Variants in DAB1 observed in about 807,000 individuals in gnomAD.
The protein encoded by DAB1 is DAB adaptor protein 1.
DAB1 carries 15 observed loss-of-function variants against 64.6 expected under a neutral mutation model. The observed-to-expected ratio is 0.23, with a 90% confidence interval of 0.16 to 0.36. DAB1 has a LOEUF of 0.36. Among genes scored for constraint, DAB1 ranks in the 10% least tolerant of loss-of-function variants. The probability of loss-of-function intolerance (pLI) is 1.00; values close to 1 mark genes in which losing one functional copy is unlikely to be tolerated. For synonymous variants in DAB1, 235 were observed against 251.9 expected, an observed-to-expected ratio of 0.93 and a Z score of 0.64; for missense variants, 596 against 706.7, an observed-to-expected ratio of 0.84 and a Z score of 1.78.
At chr1:58,361,821 G>A (rs1037269487) in intron 3 of DAB1, among the ~76,000 whole-genome samples, 3 of 146,350 alleles carry the variant, frequency 2.0e-5, no homozygotes, top group African/African-American at 7.5e-5. Flanking sequence ...CATTCTCATG[G>A]TCCCTTCATT....
intron 2 of DAB1, among the ~76,000 whole-genome samples, chr1:58,514,735 G>A (rs1292783452): frequency 6.6e-6 from 1 of 152,066 alleles, no homozygotes; most frequent in Admixed American, 6.5e-5. Context: ...AAGATGTAAA[G>A]GGACCAAAAC....
rs566872353 is a variant in DAB1, at chr1:57,245,546, C to T, written c.67+45418G>A. On this transcript the variant is annotated intron_variant, in intron 2 of 14. Coordinates refer to ENST00000371236, the MANE Select transcript of DAB1 (RefSeq NM_001365792.1). ...AACTTGTGGTGTTTGGTTTTCTGCC[C>T]TTGTGATAGTTTGCTGAGAATGATG... is the stretch of plus-strand genomic sequence containing the variant. Among the ~76,000 whole-genome samples, 97 of 152,200 alleles carry T rather than the reference C, an allele frequency of 6.4e-4. 1 individual carries two copies. The South Asian group carries it at 0.018, about 28-fold the overall frequency.
chr1:58,447,915 T>C (rs1569807729), intron 3 of DAB1, among the ~76,000 whole-genome samples: 1 of 151,252 alleles, frequency 6.6e-6, no homozygotes, highest in Non-Finnish European at 1.5e-5. Flanking sequence ...AGTTTCAGGG[T>C]TGATTAAGCG....
At chr1:58,536,787 CAT>C in intron 1 of DAB1, 1 of 838,528 alleles carries the variant, frequency 1.2e-6, no homozygotes, top group South Asian at 1.4e-5. Flanking sequence ...CATTCCAGCA[CAT>C]ATCACTAAAG....
chr1:58,178,643 G>A (rs1183597268), intron 4 of DAB1, among the ~76,000 whole-genome samples: 1 of 152,146 alleles, frequency 6.6e-6, no homozygotes, highest in Admixed American at 6.5e-5. Context: ...TCAGAGATGA[G>A]CAAACTTTTC....
intron 5 of DAB1, among the ~76,000 whole-genome samples, chr1:58,092,101 C>T (rs1157724924): frequency 3.9e-5 from 6 of 151,976 alleles, no homozygotes; most frequent in African/African-American, 7.3e-5. Context: ...CTTTGGGTGG[C>T]GCAGGCGGGT....
chr1:58,481,755 T>C (rs550266124), intron 3 of DAB1, among the ~76,000 whole-genome samples: 1 of 152,292 alleles, frequency 6.6e-6, no homozygotes, highest in African/African-American at 2.4e-5. Flanking sequence ...GTTCTCATGA[T>C]AGTGATTAAG....
chr1:57,342,589 T>A (rs1558201446), intron 1 of DAB1, among the ~76,000 whole-genome samples: 1 of 152,220 alleles, frequency 6.6e-6, no homozygotes, highest in Non-Finnish European at 1.5e-5. Flanking sequence ...TGCTCTTGTG[T>A]CCAAAATTGG....
chr1:57,164,290 T>C (rs747097812), intron 2 of DAB1, among the ~76,000 whole-genome samples: 2 of 152,002 alleles, frequency 1.3e-5, no homozygotes, highest in Non-Finnish European at 2.9e-5. Context: ...ACCACAGAAT[T>C]TTGGGGATTT....
chr1:57,297,547 T>A (rs1673301365), intron 1 of DAB1, among the ~76,000 whole-genome samples: 1 of 152,040 alleles, frequency 6.6e-6, no homozygotes, highest in Non-Finnish European at 1.5e-5. Context: ...TATACGTACA[T>A]ACATAGAGAG....
At chr1:58,424,902 G>C (rs1644806883) in intron 3 of DAB1, among the ~76,000 whole-genome samples, 1 of 151,830 alleles carries the variant, frequency 6.6e-6, no homozygotes, top group South Asian at 2.1e-4. Context: ...CATTTGGTGA[G>C]GTGGTGTGGG....
At chr1:57,710,447 A>G (rs1039817390) in intron 6 of DAB1, among the ~76,000 whole-genome samples, 13 of 152,196 alleles carry the variant, frequency 8.5e-5, no homozygotes, top group African/African-American at 2.9e-4. Flanking sequence ...TGTTGTCTAT[A>G]CTATAGGTGA....
intron 2 of DAB1, among the ~76,000 whole-genome samples, chr1:57,219,491 G>T (rs1666694364): frequency 6.6e-6 from 1 of 152,152 alleles, no homozygotes; most frequent in African/African-American, 2.4e-5. Context: ...ACCCTAAGGT[G>T]ATCCCACTGA....
At chr1:58,225,124 A>G (rs939466765) in intron 4 of DAB1, among the ~76,000 whole-genome samples, 1 of 151,704 alleles carries the variant, frequency 6.6e-6, no homozygotes, top group African/African-American at 2.4e-5. Flanking sequence ...AGAAAAAAAC[A>G]AACAACCCCA....
intron 4 of DAB1, chr1:58,228,754 T>C (rs1221789038): frequency 4.3e-6 from 4 of 939,890 alleles, no homozygotes; most frequent in Non-Finnish European, 4.9e-6. Context: ...CCCACGTTGA[T>C]GGCATAGGTG....
intron 2 of DAB1, among the ~76,000 whole-genome samples, chr1:57,175,375 C>T (rs547092437): frequency 9.4e-5 from 14 of 148,358 alleles, no homozygotes; most frequent in Non-Finnish European, 1.8e-4. Context: ...CTGATAAGTG[C>T]TATTAGCAGG....
At chr1:57,341,332 G>A (rs1357279491) in intron 1 of DAB1, among the ~76,000 whole-genome samples, 1 of 152,104 alleles carries the variant, frequency 6.6e-6, no homozygotes, top group African/African-American at 2.4e-5. Context: ...GAAGAAGCTG[G>A]GAGATTATCT....
intron 3 of DAB1, among the ~76,000 whole-genome samples, chr1:58,354,198 C>T (rs754915254): frequency 7.2e-5 from 11 of 151,964 alleles, no homozygotes; most frequent in Non-Finnish European, 1.3e-4. Context: ...GAGCTTTCTT[C>T]CTTGTTGTTT....
chr1:57,950,445 C>A (rs1046817972), intron 5 of DAB1, among the ~76,000 whole-genome samples: 1 of 152,136 alleles, frequency 6.6e-6, no homozygotes, highest in Non-Finnish European at 1.5e-5. Context: ...TTCTAACAGG[C>A]GTTCCTCATT....
Sources: gnomAD v4.1 joint callset for allele counts (sites outside exome capture counted in the v4.1 genomes callset) on GRCh38, gnomAD v4.1.1 for gene constraint, MANE v1.5 for transcripts, NCBI Gene and HGNC (gene_info 2026-07-23, HGNC 2026-07-21) for gene names.